INSYN2B: variants seen among roughly 807,000 people sequenced by gnomAD.
The protein encoded by INSYN2B is inhibitory synaptic factor family member 2B.
In INSYN2B, 16 loss-of-function variants were observed where a neutral mutation model predicts 41.2. That is an observed-to-expected ratio of 0.39 (90% CI 0.26 to 0.59). INSYN2B has a LOEUF of 0.59. Ranked by LOEUF, INSYN2B falls within the 20% of genes least tolerant of loss-of-function variation. The probability of loss-of-function intolerance (pLI) is 0.57; values close to 1 mark genes in which losing one functional copy is unlikely to be tolerated. For missense variants in INSYN2B, 608 were observed against 646.4 expected (o/e 0.94, Z 0.64); for synonymous variants, 245 against 244.4 (o/e 1.00, Z -0.02).
At chr5:169,864,511 T>A in intron 3 of INSYN2B, 52 bp from the exon 4 acceptor site, 2 of 1,350,306 alleles carry the variant, frequency 1.5e-6, no homozygotes, top group Non-Finnish European at 2.0e-6. Flanking sequence ...CAGCACAGAC[T>A]GATTAAGCAT....
At chr5:169,870,105 G>A (rs1207894364) in intron 3 of INSYN2B, among the ~76,000 whole-genome samples, 1 of 152,200 alleles carries the variant, frequency 6.6e-6, no homozygotes, top group African/African-American at 2.4e-5. Flanking sequence ...CTGTGGTTTA[G>A]GGATGCTCAG....
At chr5:169,930,779 C>T (rs1014780696) in intron 1 of INSYN2B, among the ~76,000 whole-genome samples, 7 of 152,192 alleles carry the variant, frequency 4.6e-5, no homozygotes, top group African/African-American at 1.4e-4. Flanking sequence ...GCCTCCATTT[C>T]CAGGTTGTTG....
intron 1 of INSYN2B, among the ~76,000 whole-genome samples, chr5:169,894,012 A>G (rs1773447116): frequency 6.6e-6 from 1 of 152,240 alleles, no homozygotes; most frequent in Non-Finnish European, 1.5e-5. Context: ...CCTATGCTCC[A>G]GTATAGACCA....
At position 169,883,109 on chromosome 5, in the gene INSYN2B, C is replaced by T. The variant is rs375956500; in HGVS notation, c.790G>A (p.Val264Ile). 1.3e-4 allele frequency: 204 copies of T among 1,551,412 alleles called. No homozygotes were observed. Among genetic ancestry groups the T allele is most frequent in the South Asian group, 7.9e-4 (66 of 84,042 alleles). Reference protein sequence around the residue: ...KSTSCLNATSVASHTPGTEEL... With the variant: ...KSTSCLNATSIASHTPGTEEL... ...TCTGTGCCTGGTGTGTGGCTGGCAA[C>T]GCTGGTGGCATTTAAGCAGGAGGTG... Residue 264 changes from valine (V) to isoleucine (I), a missense_variant, in exon 2 of 4, where the codon GTT becomes ATT. Coordinates refer to ENST00000377365, the MANE Select transcript of INSYN2B (RefSeq NM_001129891.3).
intron 1 of INSYN2B, among the ~76,000 whole-genome samples, chr5:169,929,048 T>C (rs957171598): frequency 6.6e-6 from 1 of 152,178 alleles, no homozygotes; most frequent in African/African-American, 2.4e-5. Flanking sequence ...GATGGAAAGC[T>C]TGAGGTCAAC....
Position 169,864,379 on chromosome 5 carries a change from T to C in INSYN2B, c.1502A>G (p.Glu501Gly), listed in dbSNP as rs954936903. 9.7e-6 allele frequency: 15 copies of C among 1,551,396 alleles called. No homozygotes were observed. Among genetic ancestry groups the C allele is most frequent in the Non-Finnish European group, 1.1e-5 (13 of 1,146,766 alleles). ...TGGGGACTTTGGTGGGGGCGATGCC[T>C]CCTCAACTGGCTCTGCTTCCTCCAG... ...QSLEEAEPVE[E>G]ASPPPKSPAE... The change falls in exon 4 of 4, where the codon GAG (glutamate) becomes GGG (glycine). Residue 501 changes from glutamate to glycine, a missense_variant. By Grantham distance (98) the Glu-to-Gly change is moderately conservative (BLOSUM62 -2). Coordinates refer to ENST00000377365, the MANE Select transcript of INSYN2B (RefSeq NM_001129891.3).
At chr5:169,887,675 C>A (rs1773048441) in intron 1 of INSYN2B, among the ~76,000 whole-genome samples, 1 of 152,196 alleles carries the variant, frequency 6.6e-6, no homozygotes, top group African/African-American at 2.4e-5. Flanking sequence ...ATTTAAAAGT[C>A]TATAAATAAA....
chr5:169,935,042 A>G (rs915187209), intron 1 of INSYN2B, among the ~76,000 whole-genome samples: 5 of 152,220 alleles, frequency 3.3e-5, no homozygotes, highest in Non-Finnish European at 5.9e-5. Flanking sequence ...GGGAAAATTA[A>G]TAGAAAGAGC....
At chr5:169,933,401 C>T (rs1775847811) in intron 1 of INSYN2B, among the ~76,000 whole-genome samples, 1 of 152,202 alleles carries the variant, frequency 6.6e-6, no homozygotes, top group African/African-American at 2.4e-5. Context: ...CAAGGTCCTT[C>T]TAATGTGAAG....
At chr5:169,916,612 T>C (rs1410020006) in intron 1 of INSYN2B, among the ~76,000 whole-genome samples, 1 of 152,188 alleles carries the variant, frequency 6.6e-6, no homozygotes, top group Non-Finnish European at 1.5e-5. Context: ...AGTTAATATA[T>C]TTAAAGTGCT....
At chr5:169,965,889 C>T (rs1001926692) in intron 1 of INSYN2B, among the ~76,000 whole-genome samples, 1 of 152,112 alleles carries the variant, frequency 6.6e-6, no homozygotes, top group African/African-American at 2.4e-5. Flanking sequence ...TCACCTTTGA[C>T]GTGGTTCCTG....
chr5:169,958,348 A>G (rs915137439), intron 1 of INSYN2B, among the ~76,000 whole-genome samples: 10 of 152,110 alleles, frequency 6.6e-5, no homozygotes, highest in Non-Finnish European at 1.3e-4. Context: ...GTTTCTGGGG[A>G]CAGTGAAAAG....
At chr5:169,902,465 C>T (rs529410603) in intron 1 of INSYN2B, among the ~76,000 whole-genome samples, 184 of 152,268 alleles carry the variant, frequency 1.2e-3, no homozygotes, top group Non-Finnish European at 2.1e-3. Flanking sequence ...TGCTCTTATC[C>T]ACTACGTGAT....
intron 1 of INSYN2B, among the ~76,000 whole-genome samples, chr5:169,885,239 A>G (rs1455553032): frequency 1.3e-5 from 2 of 152,222 alleles, no homozygotes; most frequent in Non-Finnish European, 2.9e-5. Context: ...TTTAATGTGC[A>G]TCTCCTCCAC....
rs183642577 is a variant in INSYN2B, at chr5:169,897,908, A to T, written c.-918-13092T>A. Among the ~76,000 whole-genome samples the T allele has an allele frequency of 2.6e-5, 4 of 152,314 alleles. No homozygotes were observed. The East Asian group carries it at 7.7e-4, about 29-fold the overall frequency. ...TTCCTCCCTTGAACGCAGATGAACA[A>T]CTCTAATAAAAACCATTTCCTACAA... is the stretch of plus-strand genomic sequence containing the variant. On this transcript the variant is annotated intron_variant, in intron 1 of 3. Transcript: ENST00000377365.
At chr5:169,880,629 G>A (rs761443688) in intron 3 of INSYN2B, among the ~76,000 whole-genome samples, 5 of 152,182 alleles carry the variant, frequency 3.3e-5, no homozygotes, top group African/African-American at 4.8e-5. Flanking sequence ...TTTGTTCAGA[G>A]GTTTGCAGTT....
intron 3 of INSYN2B, among the ~76,000 whole-genome samples, chr5:169,876,431 G>A (rs1772337828): frequency 6.6e-6 from 1 of 152,196 alleles, no homozygotes; most frequent in South Asian, 2.1e-4. Context: ...GGACAATTCA[G>A]ACACCAGAGA....
chr5:169,887,226 G>A (rs1773022585), intron 1 of INSYN2B, among the ~76,000 whole-genome samples: 1 of 152,122 alleles, frequency 6.6e-6, no homozygotes, highest in South Asian at 2.1e-4. Context: ...CATTATTCTG[G>A]TGTTAGCCCT....
chr5:169,896,809 A>G (rs983414766), intron 1 of INSYN2B, among the ~76,000 whole-genome samples: 5 of 152,216 alleles, frequency 3.3e-5, no homozygotes, highest in African/African-American at 9.6e-5. Context: ...TTGATAATGT[A>G]GAAGAGGATA....
Sources: allele counts gnomAD v4.1 joint callset (sites outside exome capture counted in the v4.1 genomes callset), GRCh38; gene constraint gnomAD v4.1.1; transcripts MANE v1.5; gene names NCBI Gene and HGNC (gene_info 2026-07-23, HGNC 2026-07-21).